CNTLN: variants seen among roughly 807,000 people sequenced by gnomAD.
CNTLN encodes centlein, centrosomal protein.
Under a neutral mutation model 180.0 loss-of-function variants are expected in CNTLN, and 212 were observed. The observed-to-expected ratio is 1.18, with a 90% CI of 1.05 to 1.32. CNTLN has a LOEUF of 1.32. CNTLN is among the 40% of genes most tolerant of loss of function. CNTLN has a pLI of 0.00. For synonymous variants in CNTLN, 722 were observed against 563.1 expected (o/e 1.28, Z -3.99); for missense variants, 2,095 against 1,610.9 (o/e 1.30, Z -5.14).
chr9:17,475,949 T>G (rs1240455428), intron 23 of CNTLN, among the ~76,000 whole-genome samples: 1 of 152,118 alleles, frequency 6.6e-6, no homozygotes, highest in Non-Finnish European at 1.5e-5. Context: ...TGTGTTTGCT[T>G]TATTGCTTTT....
rs1274430228 is a variant in CNTLN, at chr9:17,185,775, G to A, written c.450-40428G>A. Among the ~76,000 whole-genome samples, 11 of 150,742 alleles carry A rather than the reference G, an allele frequency of 7.3e-5. No individual in the cohort carries two copies. The East Asian group carries it at 2.2e-3, about 30-fold the overall frequency. ...GCTTTTTGAAATGTTTCCCATTTGTGTGTGTGTGTGTGTGTGTGTGTGTGT... is the reference window on the plus strand; with the variant it reads ...GCTTTTTGAAATGTTTCCCATTTGTATGTGTGTGTGTGTGTGTGTGTGTGT... On this transcript the variant is annotated intron_variant, in intron 2 of 25. Coordinates refer to ENST00000380647, the MANE Select transcript of CNTLN (RefSeq NM_017738.4).
chr9:17,339,282 A>G (rs565579860), intron 10 of CNTLN, among the ~76,000 whole-genome samples: 1 of 152,302 alleles, frequency 6.6e-6, no homozygotes, highest in African/African-American at 2.4e-5. Flanking sequence ...CAGACTCTAT[A>G]AAGTATTATC....
At chr9:17,302,022 C>T in intron 7 of CNTLN, 2 of 984,536 alleles carry the variant, frequency 2.0e-6, no homozygotes, top group Non-Finnish European at 2.4e-6. Flanking sequence ...AATAAAGCTG[C>T]AATAAACATT....
At chr9:17,516,643 G>A in the CNTLN span, among the ~76,000 whole-genome samples, 1 of 152,110 alleles carries the variant, frequency 6.6e-6, no homozygotes, top group Non-Finnish European at 1.5e-5. Context: ...TATAGGGTGG[G>A]ACATCTGTCA....
chr9:17,475,324 C>G (rs1214565014), intron 23 of CNTLN, among the ~76,000 whole-genome samples: 1 of 151,696 alleles, frequency 6.6e-6, no homozygotes, highest in Non-Finnish European at 1.5e-5. Context: ...TTCCTTTTTG[C>G]TTTGGTGGAA....
intron 13 of CNTLN, among the ~76,000 whole-genome samples, chr9:17,382,867 A>G (rs1344682174): frequency 6.6e-6 from 1 of 152,108 alleles, no homozygotes; most frequent in Non-Finnish European, 1.5e-5. Context: ...TGCCTACCTC[A>G]TTAGCCTTAT....
In CNTLN at chr9:17,489,538, A is replaced by G. The variant is rs1258522385; in HGVS notation, c.4119+2472A>G. On this transcript the variant is annotated intron_variant, in intron 25 of 25. Coordinates refer to ENST00000380647, the MANE Select transcript of CNTLN (RefSeq NM_017738.4). ...GCCCTGTGATTTTGTCTTTTGTTTGATTGGGCCACAGAATTGCTTTCTGTT... is the reference window on the plus strand; with the variant it reads ...GCCCTGTGATTTTGTCTTTTGTTTGGTTGGGCCACAGAATTGCTTTCTGTT... Among the ~76,000 whole-genome samples, 8 of 151,702 alleles carry G rather than the reference A, an allele frequency of 5.3e-5. No homozygotes were observed. In the South Asian group the frequency reaches 1.2e-3, roughly 24 times the overall value.
intron 2 of CNTLN, among the ~76,000 whole-genome samples, chr9:17,166,209 A>C (rs1227585126): frequency 6.6e-6 from 1 of 152,130 alleles, no homozygotes; most frequent in Non-Finnish European, 1.5e-5. Flanking sequence ...CAGGTGACAA[A>C]AAAAGAGAAA....
intron 1 of CNTLN, among the ~76,000 whole-genome samples, chr9:17,142,375 C>A (rs1054076760): frequency 6.6e-6 from 1 of 152,030 alleles, no homozygotes; most frequent in Admixed American, 6.6e-5. Context: ...TGTTTTAGAT[C>A]TTTGAATAAA....
At chr9:17,136,968 C>G (rs892528277) in intron 1 of CNTLN, among the ~76,000 whole-genome samples, 1 of 152,148 alleles carries the variant, frequency 6.6e-6, no homozygotes, top group African/African-American at 2.4e-5. Flanking sequence ...ACTTCTGCCT[C>G]CCCACATAGT....
intron 2 of CNTLN, among the ~76,000 whole-genome samples, chr9:17,192,998 TGAG>T (rs1439689006): frequency 4.6e-4 from 70 of 151,812 alleles, no homozygotes; most frequent in South Asian, 6.2e-4. Flanking sequence ...CAAGAGAAAA[TGAG>T]GAAGATGAAA....
rs979169900 is a variant in CNTLN, at chr9:17,259,826, C to T, written c.850-13907C>T. ...TCTGTGGGATCGCTGGTGATATCCC[C>T]TTTATCATTTTTTATTGCATCTATT... On this transcript the variant is annotated intron_variant, in intron 5 of 25. Transcript: ENST00000380647. Among the ~76,000 whole-genome samples the T allele has an allele frequency of 1.1e-4, 15 of 142,494 alleles. No homozygotes were observed. In the South Asian group the frequency reaches 1.7e-3, roughly 16 times the overall value. The allele number at this position is 142,494 out of a possible 152,430, so 93.5% of individuals were successfully genotyped here.
At chr9:17,345,459 T>C (rs1365923021) in intron 12 of CNTLN, among the ~76,000 whole-genome samples, 1 of 152,056 alleles carries the variant, frequency 6.6e-6, no homozygotes, top group Non-Finnish European at 1.5e-5. Context: ...AATTCCTTCA[T>C]ATGGGTTACT....
Position 17,366,934 on chromosome 9 carries a change from C to G in CNTLN, c.1987+217C>G, listed in dbSNP as rs2099858. Among the ~76,000 whole-genome samples, 88,358 of 152,050 alleles carry G rather than the reference C, an allele frequency of 0.58. 26,046 individuals are homozygous for G. The highest frequency in any genetic ancestry group is 0.73 in the East Asian group (3,772 of 5,160). ...ATTTATTAAAAAATCTAGGGGAGAA[C>G]GTACAGCAAGATGGCCAAATAGAAG... is the stretch of plus-strand genomic sequence containing the variant. On this transcript the variant is annotated intron_variant, in intron 13 of 25. Coordinates refer to ENST00000380647, the MANE Select transcript of CNTLN (RefSeq NM_017738.4).
At chr9:17,365,712 C>T (rs1823761541) in intron 12 of CNTLN, among the ~76,000 whole-genome samples, 1 of 152,160 alleles carries the variant, frequency 6.6e-6, no homozygotes, top group Non-Finnish European at 1.5e-5. Flanking sequence ...GTGATCCCAG[C>T]ATTTTGGGAG....
chr9:17,206,597 C>T (rs949187782), intron 2 of CNTLN, among the ~76,000 whole-genome samples: 16 of 152,170 alleles, frequency 1.1e-4, no homozygotes, highest in African/African-American at 3.4e-4. Flanking sequence ...TCAACTTTGC[C>T]TTCCCCATGT....
chr9:17,273,784 A>G lies in CNTLN; in HGVS notation c.901A>G (p.Ser301Gly). The G allele has an allele frequency of 6.4e-7, 1 of 1,567,060 alleles. No individual in the cohort carries two copies. The highest frequency in any genetic ancestry group is 8.6e-7 in the Non-Finnish European group (1 of 1,158,938). ...EARKEVEVSQ[S>G]KYNALSLQLS... Reference sequence around the variant, plus strand: ...AAGGAAAGAAGTTGAAGTATCACAGAGTAAATACAATGCTCTATCATTACA... The same window carrying G: ...AAGGAAAGAAGTTGAAGTATCACAGGGTAAATACAATGCTCTATCATTACA... Residue 301 changes from serine to glycine, a missense_variant, in exon 6 of 26, where the codon AGT (serine) becomes GGT (glycine). Transcript: ENST00000380647.
intron 8 of CNTLN, among the ~76,000 whole-genome samples, chr9:17,319,877 T>C (rs1040795684): frequency 3.3e-5 from 5 of 152,200 alleles, no homozygotes; most frequent in Non-Finnish European, 7.3e-5. Flanking sequence ...GCTGACAGTC[T>C]TTGCCATAGA....
At chr9:17,159,982 G>T (rs1435133668) in intron 2 of CNTLN, among the ~76,000 whole-genome samples, 4 of 151,906 alleles carry the variant, frequency 2.6e-5, no homozygotes, top group African/African-American at 7.3e-5. Flanking sequence ...TCAATTTTGG[G>T]GTAATTTGTT....
Sources: allele counts gnomAD v4.1 joint callset (sites outside exome capture counted in the v4.1 genomes callset), GRCh38; gene constraint gnomAD v4.1.1; transcripts MANE v1.5; gene names NCBI Gene and HGNC (gene_info 2026-07-23, HGNC 2026-07-21).